The following LRFN5 variants were observed in gnomAD, a reference collection of about 807,000 sequenced individuals.
LRFN5 encodes the protein leucine-rich repeat and fibronectin type-III domain-containing protein 5.
In LRFN5, 24 loss-of-function variants were observed where a neutral mutation model predicts 45.6. The ratio of observed to expected loss-of-function variants is 0.53; its 90% CI spans 0.38 to 0.74. The LOEUF is 0.74. Among genes scored for constraint, LRFN5 ranks in the 30% least tolerant of loss-of-function variants. The pLI is 0.00. For synonymous variants in LRFN5, 340 were observed against 313.8 expected, an observed-to-expected ratio of 1.08 and a Z score of -0.88; for missense variants, 776 against 861.5, an observed-to-expected ratio of 0.90 and a Z score of 1.24.
chr14:41,738,735 A>G (rs1207314755), intron 1 of LRFN5, among the ~76,000 whole-genome samples: 1 of 152,166 alleles, frequency 6.6e-6, no homozygotes, highest in Non-Finnish European at 1.5e-5. Flanking sequence ...GGAATCTCTG[A>G]TAGCTTTCAA....
intron 1 of LRFN5, among the ~76,000 whole-genome samples, chr14:41,610,776 CTT>C (rs144578283): frequency 4.1e-5 from 6 of 147,886 alleles, no homozygotes; most frequent in South Asian, 2.2e-4. Flanking sequence ...TATCTTCTCT[CTT>C]TTTTTTTGTC....
intron 1 of LRFN5, among the ~76,000 whole-genome samples, chr14:41,746,673 A>G (rs1291897985): frequency 6.6e-6 from 1 of 152,026 alleles, no homozygotes; most frequent in Non-Finnish European, 1.5e-5. Context: ...TTAAAAAAGC[A>G]AAAATACATT....
In LRFN5 at chr14:41,653,269, T is replaced by A. The variant is rs544504042; in HGVS notation, c.-197+44707T>A. 4.6e-5 allele frequency among the ~76,000 whole-genome samples: 7 copies of A among 152,296 alleles called. No homozygotes were observed. The East Asian group carries it at 9.7e-4, about 21-fold the overall frequency. The stretch of plus-strand genomic sequence containing the variant: ...ATTTTCCTAAGTGGTATTGCCTAGG[T>A]CATCTTCCAGAGTTTTTATAGCTTT... On this transcript the variant is annotated intron_variant, in intron 1 of 5. Transcript: ENST00000298119.
intron 1 of LRFN5, among the ~76,000 whole-genome samples, chr14:41,626,767 C>G (rs147642419): frequency 1.3e-5 from 2 of 152,054 alleles, no homozygotes; most frequent in African/African-American, 4.8e-5. Flanking sequence ...TCGTATAATA[C>G]AACTGTGTAT....
intron 1 of LRFN5, among the ~76,000 whole-genome samples, chr14:41,738,790 A>G (rs1260524794): frequency 6.6e-6 from 1 of 152,250 alleles, no homozygotes; most frequent in African/African-American, 2.4e-5. Flanking sequence ...ATGTGTCTTA[A>G]TGTAGGTTGT....
At chr14:41,668,696 T>G (rs1373712503) in intron 1 of LRFN5, among the ~76,000 whole-genome samples, 1 of 152,182 alleles carries the variant, frequency 6.6e-6, no homozygotes, top group Admixed American at 6.6e-5. Flanking sequence ...TTTCTTTATG[T>G]AATTCCCCAT....
chr14:41,782,215 A>G (rs1043162273), intron 2 of LRFN5, among the ~76,000 whole-genome samples: 2 of 150,790 alleles, frequency 1.3e-5, no homozygotes, highest in Non-Finnish European at 3.0e-5. Context: ...GTTTCTTTTT[A>G]TTATTTTTTT....
At chr14:41,815,962 A>AATAATATTTGTTG (rs1395950115) in intron 2 of LRFN5, among the ~76,000 whole-genome samples, 1 of 151,658 alleles carries the variant, frequency 6.6e-6, no homozygotes, top group South Asian at 2.1e-4. Context: ...CCCTTATTAT[A>AATAATATTTGTTG]CTCTTTTAAT....
chr14:41,724,570 A>T (rs1455185643), intron 1 of LRFN5, among the ~76,000 whole-genome samples: 1 of 152,204 alleles, frequency 6.6e-6, no homozygotes, highest in Non-Finnish European at 1.5e-5. Flanking sequence ...ATATTAATTA[A>T]AACTACAAGG....
intron 4 of LRFN5, chr14:41,893,432 C>G (rs1348095259): frequency 4.1e-6 from 4 of 984,788 alleles, no homozygotes; most frequent in Non-Finnish European, 4.8e-6. Flanking sequence ...GAGAACTGAC[C>G]CATTGCTTTG....
chr14:41,734,924 C>A (rs1365925052), intron 1 of LRFN5, among the ~76,000 whole-genome samples: 1 of 151,980 alleles, frequency 6.6e-6, no homozygotes, highest in Non-Finnish European at 1.5e-5. Flanking sequence ...AAAAAAGCTC[C>A]ACTTCCCCTG....
chr14:41,734,226 G>A (rs1395976510), intron 1 of LRFN5, among the ~76,000 whole-genome samples: 2 of 140,590 alleles, frequency 1.4e-5, no homozygotes, highest in African/African-American at 2.6e-5. Context: ...TGGCCAGGCT[G>A]GTCTTGAACT....
chr14:41,784,890 A>G lies in LRFN5; in HGVS notation c.-21+17861A>G, dbSNP rs918840996. Among the ~76,000 whole-genome samples, 58 of 152,048 alleles carry G rather than the reference A, an allele frequency of 3.8e-4. 1 individual carries two copies. The highest frequency in any genetic ancestry group is 8.8e-5 in the Non-Finnish European group (6 of 68,002). ...GTGATCTGTCAGCCTCATTCTCCCA[A>G]AGTGCTGGGATTACAGGCTTGAGCC... On this transcript the variant is annotated intron_variant, in intron 2 of 5. Transcript: ENST00000298119.
chr14:41,755,828 T>C (rs1249110152), intron 1 of LRFN5, among the ~76,000 whole-genome samples: 3 of 152,222 alleles, frequency 2.0e-5, no homozygotes, highest in Admixed American at 6.5e-5. Context: ...CTGGTTATTT[T>C]GCTCATTAGT....
intron 1 of LRFN5, among the ~76,000 whole-genome samples, chr14:41,698,318 C>T (rs1882699732): frequency 6.6e-6 from 1 of 151,916 alleles, no homozygotes; most frequent in Non-Finnish European, 1.5e-5. Flanking sequence ...TCTCTAGGAG[C>T]CTGTTTAAAA....
chr14:41,629,679 A>G (rs532760401), intron 1 of LRFN5, among the ~76,000 whole-genome samples: 8 of 152,252 alleles, frequency 5.3e-5, no homozygotes, highest in South Asian at 2.1e-4. Flanking sequence ...TTAATTAGTC[A>G]TTCAACAAGA....
intron 2 of LRFN5, among the ~76,000 whole-genome samples, chr14:41,878,725 C>T (rs1890272368): frequency 6.6e-6 from 1 of 152,012 alleles, no homozygotes; most frequent in African/African-American, 2.4e-5. Context: ...ATAGACAGAT[C>T]GTGCTTGAAA....
In LRFN5 at chr14:41,784,385, T is replaced by G. The variant is rs1886642478; in HGVS notation, c.-21+17356T>G. On this transcript the variant is annotated intron_variant, in intron 2 of 5. Coordinates refer to ENST00000298119, the MANE Select transcript of LRFN5 (RefSeq NM_152447.5). Reference sequence around the variant, plus strand: ...AGGTTTTCATGACCTTTTTAAAAATTTTTATTTCTTTTTTTTTAAAAAAAC... The same window carrying G: ...AGGTTTTCATGACCTTTTTAAAAATGTTTATTTCTTTTTTTTTAAAAAAAC... Among the ~76,000 whole-genome samples, 4 of 152,026 alleles carry G rather than the reference T, an allele frequency of 2.6e-5. No individual in the cohort carries two copies. The South Asian group carries it at 8.3e-4, about 32-fold the overall frequency.
chr14:41,742,506 C>T (rs1373767994), intron 1 of LRFN5: 1 of 152,138 alleles, frequency 6.6e-6, no homozygotes, highest in Non-Finnish European at 1.5e-5. Flanking sequence ...TATCATCCTA[C>T]CTACTGACTT....
Sources: gnomAD v4.1 joint callset for allele counts (sites outside exome capture counted in the v4.1 genomes callset) on GRCh38, gnomAD v4.1.1 for gene constraint, MANE v1.5 for transcripts, NCBI Gene and HGNC (gene_info 2026-07-23, HGNC 2026-07-21) for gene names.